Variants in PCDHGB4 observed in about 807,000 individuals in gnomAD.
PCDHGB4 encodes the protein protocadherin gamma-B4.
In PCDHGB4, 38 loss-of-function variants were observed where a neutral mutation model predicts 60.5. The ratio of observed to expected loss-of-function variants is 0.63; its 90% CI spans 0.48 to 0.82. The LOEUF (loss-of-function observed/expected upper bound fraction) is 0.82. Among genes scored for constraint, PCDHGB4 ranks in the 40% least tolerant of loss-of-function variants. The probability of loss-of-function intolerance (pLI) is 0.00; values close to 1 mark genes in which losing one functional copy is unlikely to be tolerated. For missense variants in PCDHGB4, 1,109 were observed against 1,209.6 expected (o/e 0.92, Z 1.23); for synonymous variants, 456 against 509.7 (o/e 0.89, Z 1.42).
At chr5:141,394,373 C>G in intron 1 of PCDHGB4, 2 of 1,614,206 alleles carry the variant, frequency 1.2e-6, no homozygotes, top group Non-Finnish European at 8.5e-7. Context: ...TGCAATCTTT[C>G]GACTATGAGC....
intron 1 of PCDHGB4, among the ~76,000 whole-genome samples, chr5:141,449,331 G>T (rs1054980032): frequency 3.3e-5 from 5 of 151,950 alleles, no homozygotes; most frequent in Admixed American, 3.3e-4. Flanking sequence ...TGTAGGCCAG[G>T]TGCAGTGGCT....
chr5:141,419,375 T>G (rs755252910), intron 1 of PCDHGB4: 1 of 1,613,728 alleles, frequency 6.2e-7, no homozygotes, highest in Admixed American at 1.7e-5. Context: ...GTCCTACGTG[T>G]CCGTGAGCGC....
At chr5:141,498,419 G>A (rs78940285) in intron 2 of PCDHGB4, among the ~76,000 whole-genome samples, 4,023 of 152,260 alleles carry the variant, frequency 0.026, 75 homozygotes, top group Non-Finnish European at 0.043. Flanking sequence ...TGCTGGCACT[G>A]GAGTGAGGGG....
rs2233600 is a variant in PCDHGB4, at chr5:141,489,134, A to C, written c.2398-5673A>C. 9,827 of 731,232 alleles carry C rather than the reference A, an allele frequency of 0.013. 1,099 individuals are homozygous for C. The East Asian group carries it at 0.25, about 19-fold the overall frequency. The allele number at this position is 731,232 out of a possible 1,614,324, so 45.3% of individuals were successfully genotyped here. A position where few individuals can be genotyped will look rare whatever the true frequency, so the allele number is the denominator to read the frequency against. Reference sequence around the variant, plus strand: ...GGCAAACCTCCGAGCAGTTTTTAAGAGGCTGGAAGGAGACATAAGAGACTT... The same window carrying C: ...GGCAAACCTCCGAGCAGTTTTTAAGCGGCTGGAAGGAGACATAAGAGACTT... On this transcript the variant is annotated intron_variant, in intron 1 of 3. Transcript: ENST00000519479. The surrounding 1 kb of genome is among the most constrained non-coding windows in gnomAD (Gnocchi z 4.5).
At position 141,511,355 on chromosome 5, in the gene PCDHGB4, G is replaced by A; in HGVS notation, c.*182G>A. On this transcript the variant is annotated 3_prime_UTR_variant, in exon 4 of 4. Coordinates refer to ENST00000519479, the MANE Select transcript of PCDHGB4 (RefSeq NM_003736.4). ...TCAGCACCTACCCCTTCCCCCCCAG[G>A]GGGTTGAATATGCAAAAGCAGTTCC... 4 of 1,379,256 alleles carry A rather than the reference G, an allele frequency of 2.9e-6. No individual in the cohort carries two copies. The highest frequency in any genetic ancestry group is 3.9e-6 in the Non-Finnish European group (4 of 1,035,886). 85.4% of individuals were successfully genotyped at this position (1,379,256 alleles called of 1,614,324 possible).
Position 141,418,806 on chromosome 5 carries a change from C to T in PCDHGB4, c.2397+28525C>T, listed in dbSNP as rs200530054. The T allele has an allele frequency of 3.0e-5, 49 of 1,613,694 alleles. No individual in the cohort carries two copies. In the African/African-American group the frequency reaches 5.9e-4, roughly 19 times the overall value. On this transcript the variant is annotated intron_variant, in intron 1 of 3. Transcript: ENST00000519479. ...GATTTTGAAGAAGTAGAAAGATATA[C>T]GATAAACATAGAAGCAAAAGACCGA...
rs2099884159 is a variant in PCDHGB4 at position 141,512,278 on chromosome 5, G to A, written c.*1105G>A. 6.5e-6 allele frequency: 1 copy of A among 152,812 alleles called. No homozygotes were observed. Among genetic ancestry groups the A allele is most frequent in the Non-Finnish European group, 1.5e-5 (1 of 68,170 alleles). 9.5% of individuals were successfully genotyped at this position (152,812 alleles called of 1,614,324 possible). A position where few individuals can be genotyped will look rare whatever the true frequency, so the allele number is the denominator to read the frequency against. ...TGCTGGGTACTCCAGAGGTGCCACT[G>A]GTGGAAGGGTCAGCGGAGCCCCAGC... On this transcript the variant is annotated 3_prime_UTR_variant, in exon 4 of 4. Coordinates refer to ENST00000519479, the MANE Select transcript of PCDHGB4 (RefSeq NM_003736.4).
At chr5:141,418,742 G>T (rs1351760637) in intron 1 of PCDHGB4, 6 of 1,613,778 alleles carry the variant, frequency 3.7e-6, no homozygotes, top group South Asian at 1.1e-5. Context: ...GTTCTCTCTG[G>T]ATTACACTAC....
At chr5:141,423,183 G>GCCCCCTCTCTCGGCCAC (rs760086052) in intron 1 of PCDHGB4, 8 of 1,613,570 alleles carry the variant, frequency 5.0e-6, no homozygotes, top group Non-Finnish European at 6.8e-6. Context: ...ACCACGGCCA[G>GCCCCCTCTCTCGGCCAC]CCCCCTCTCT....
At chr5:141,390,560 T>C (rs531396970) in intron 1 of PCDHGB4, 1 of 443,156 alleles carries the variant, frequency 2.3e-6, no homozygotes, top group East Asian at 4.1e-5. Context: ...GTTAGACAGT[T>C]GTTGGCTCTC....
At chr5:141,409,869 A>G (rs2095329006) in intron 1 of PCDHGB4, 2 of 1,612,632 alleles carry the variant, frequency 1.2e-6, no homozygotes, top group African/African-American at 1.3e-5. Context: ...GGAGACCGCA[A>G]TGACAACGCA....
At chr5:141,408,524 G>A (rs1589673864) in intron 1 of PCDHGB4, 3 of 1,614,080 alleles carry the variant, frequency 1.9e-6, no homozygotes, top group Non-Finnish European at 1.7e-6. Context: ...GCAATTGGAA[G>A]CTGTGGTGGA....
rs899154780 is a variant in PCDHGB4, at chr5:141,402,932, A to C, written c.2397+12651A>C. ...AGCGCGCACAGAGATCCTTTTGAGAAAATTCCAAAGCGAGGCAGCAATGGC... is the reference window on the plus strand; with the variant it reads ...AGCGCGCACAGAGATCCTTTTGAGACAATTCCAAAGCGAGGCAGCAATGGC... On this transcript the variant is annotated intron_variant, in intron 1 of 3. Coordinates refer to ENST00000519479, the MANE Select transcript of PCDHGB4 (RefSeq NM_003736.4). 3 of 1,584,974 alleles carry C rather than the reference A, an allele frequency of 1.9e-6. No individual in the cohort carries two copies. In the Admixed American group the frequency reaches 5.4e-5, roughly 29 times the overall value.
rs1409328445 is a variant in PCDHGB4, at chr5:141,389,590, G to T, written c.1706G>T (p.Gly569Val). The T allele has an allele frequency of 6.2e-7, 1 of 1,613,014 alleles. No individual in the cohort carries two copies. Among genetic ancestry groups the T allele is most frequent in the Non-Finnish European group, 8.5e-7 (1 of 1,179,788 alleles). ...CTGTACCCCGCGCTGGGTCCCGACG[G>T]CTCTGCGCTCTTCGATATGGTGCCG... The part of the protein sequence containing the change: ...RVLYPALGPD[G>V]SALFDMVPHA... The change falls in exon 1 of 4, where the codon GGC becomes GTC. Residue 569 changes from glycine to valine, a missense_variant. Coordinates refer to ENST00000519479, the MANE Select transcript of PCDHGB4 (RefSeq NM_003736.4).
intron 1 of PCDHGB4, chr5:141,394,313 C>G: frequency 6.2e-7 from 1 of 1,614,022 alleles, no homozygotes; most frequent in Non-Finnish European, 8.5e-7. Flanking sequence ...AGGGGGCGCC[C>G]CTGTCCTCGT....
intron 1 of PCDHGB4, chr5:141,471,430 G>A (rs2099257545): frequency 6.6e-6 from 1 of 152,140 alleles, no homozygotes; most frequent in South Asian, 2.1e-4. Flanking sequence ...CAAGGAAAGT[G>A]TATAATCTCA....
rs369793035 is a variant in PCDHGB4, at chr5:141,408,762, A to T, written c.2397+18481A>T. 57 of 1,610,942 alleles carry T rather than the reference A, an allele frequency of 3.5e-5. No homozygotes were observed. The highest frequency in any genetic ancestry group is 4.6e-5 in the Non-Finnish European group (54 of 1,178,454). On this transcript the variant is annotated intron_variant, in intron 1 of 3. Transcript: ENST00000519479. ...TCATTAATGGTTAGAGTTAATTCCG[A>T]TGGTGGCAAATACCCAGAGTTATCT...
chr5:141,404,261 C>G, intron 1 of PCDHGB4: 1 of 1,613,950 alleles, frequency 6.2e-7, no homozygotes. Flanking sequence ...CACAGAAATT[C>G]ACATCACCCT....
chr5:141,438,347 C>T (rs150878327), intron 1 of PCDHGB4, among the ~76,000 whole-genome samples: 7 of 151,730 alleles, frequency 4.6e-5, no homozygotes, highest in Non-Finnish European at 2.9e-5. Flanking sequence ...TAAGGATCTA[C>T]TCTGTGTATT....
Sources: allele counts gnomAD v4.1 joint callset (sites outside exome capture counted in the v4.1 genomes callset), GRCh38; gene constraint gnomAD v4.1.1; non-coding constraint Gnocchi (gnomAD v3.1); transcripts MANE v1.5; gene names NCBI Gene and HGNC (gene_info 2026-07-23, HGNC 2026-07-21).